RASSF3: variants seen among roughly 807,000 people sequenced by gnomAD.
RASSF3 encodes the protein Ras association domain family member 3, also known as ras association domain-containing protein 3.
In RASSF3, 19 loss-of-function variants were observed where a neutral mutation model predicts 19.9. That is an observed-to-expected ratio of 0.96 (90% CI 0.67 to 1.40). RASSF3 has a LOEUF of 1.40. RASSF3 is among the 40% of genes most tolerant of loss of function. The pLI, the probability that RASSF3 is intolerant of heterozygous loss-of-function variation, is 0.00. For missense variants in RASSF3, 306 were observed against 289.8 expected (o/e 1.06, Z -0.41); for synonymous variants, 110 against 104.2 (o/e 1.06, Z -0.34).
chr12:64,681,305 A>G (rs1873117802), intron 1 of RASSF3, among the ~76,000 whole-genome samples: 1 of 152,156 alleles, frequency 6.6e-6, no homozygotes, highest in Non-Finnish European at 1.5e-5. Context: ...CCTTGGTCAC[A>G]CTTGTGAAAG....
intron 1 of RASSF3, among the ~76,000 whole-genome samples, chr12:64,642,268 G>T (rs1443107590): frequency 2.6e-5 from 4 of 151,724 alleles, no homozygotes; most frequent in South Asian, 2.1e-4. Context: ...TTATGAGAAG[G>T]TTCATCAAGG....
In RASSF3 at chr12:64,696,620, G is replaced by T. The variant is rs1868373899; in HGVS notation, c.*1708G>T. 3 of 151,838 alleles carry T rather than the reference G, an allele frequency of 2.0e-5. No homozygotes were observed. The highest frequency in any genetic ancestry group is 1.9e-4 in the East Asian group (1 of 5,188). The allele number at this position is 151,838 out of a possible 1,614,324, so 9.4% of individuals were successfully genotyped here. ...GAACTGTGCCTTTTATTGCATTTCT[G>T]TTCGTCTCTTGGTGGCTCTTCTGAC... On this transcript the variant is annotated 3_prime_UTR_variant, in exon 5 of 5. Transcript: ENST00000542104.
intron 1 of RASSF3, among the ~76,000 whole-genome samples, chr12:64,654,480 T>C (rs1592447586): frequency 1.3e-5 from 2 of 151,898 alleles, no homozygotes; most frequent in African/African-American, 4.8e-5. Flanking sequence ...ATCTGCCAAA[T>C]TTTAGTTAAA....
At chr12:64,559,235 CTTCTTTTT>C (rs920988495) in intron 2 of RASSF3, among the ~76,000 whole-genome samples, 6 of 146,914 alleles carry the variant, frequency 4.1e-5, no homozygotes, top group African/African-American at 7.4e-5. Flanking sequence ...ATTTTCTTTT[CTTCTTTTT>C]TTCTTTTTTT....
At chr12:64,520,311 T>G (rs1031510683) in intron 1 of RASSF3, among the ~76,000 whole-genome samples, 4 of 151,686 alleles carry the variant, frequency 2.6e-5, no homozygotes, top group Non-Finnish European at 5.9e-5. Context: ...TACAGGCACA[T>G]GCCGCCATGC....
intron 1 of RASSF3, among the ~76,000 whole-genome samples, chr12:64,524,086 C>G (rs1169363106): frequency 7.4e-6 from 1 of 134,648 alleles, no homozygotes; most frequent in South Asian, 2.4e-4. Context: ...GAGTCTTGCT[C>G]TGTTGCCCAG....
At chr12:64,581,188 G>A (rs1054455276) in intron 2 of RASSF3, among the ~76,000 whole-genome samples, 1 of 151,922 alleles carries the variant, frequency 6.6e-6, no homozygotes, top group South Asian at 2.1e-4. Flanking sequence ...ATTTCTTTTG[G>A]TAATAACTTG....
At chr12:64,672,676 A>G (rs2136208192) in intron 1 of RASSF3, among the ~76,000 whole-genome samples, 1 of 152,200 alleles carries the variant, frequency 6.6e-6, no homozygotes, top group Non-Finnish European at 1.5e-5. Flanking sequence ...CTCCTGGCTA[A>G]TATTTTTATT....
intron 2 of RASSF3, among the ~76,000 whole-genome samples, chr12:64,592,243 A>G (rs970067762): frequency 1.3e-5 from 2 of 152,196 alleles, no homozygotes; most frequent in Admixed American, 1.3e-4. Flanking sequence ...AATAGCCAGC[A>G]TACTATGAAC....
At chr12:64,553,904 G>A (rs1268470615) in intron 2 of RASSF3, among the ~76,000 whole-genome samples, 2 of 150,986 alleles carry the variant, frequency 1.3e-5, no homozygotes, top group African/African-American at 2.4e-5. Flanking sequence ...CTGAGCCTGG[G>A]AGGCCAAGGC....
At chr12:64,508,527 A>C (rs972711589) in intron 1 of RASSF3, among the ~76,000 whole-genome samples, 9 of 151,762 alleles carry the variant, frequency 5.9e-5, no homozygotes, top group Non-Finnish European at 1.3e-4. Context: ...CAAAAAAAAA[A>C]CAAAAAACAG....
At chr12:64,665,895 A>G (rs2136202168) in intron 1 of RASSF3, among the ~76,000 whole-genome samples, 1 of 152,298 alleles carries the variant, frequency 6.6e-6, no homozygotes, top group East Asian at 1.9e-4. Context: ...CCCTTCATCA[A>G]TAGCAGTAGT....
chr12:64,578,477 G>A (rs1565842321), intron 2 of RASSF3, among the ~76,000 whole-genome samples: 1 of 152,042 alleles, frequency 6.6e-6, no homozygotes, highest in African/African-American at 2.4e-5. Flanking sequence ...AATATAGCAA[G>A]ACCCTGTCTC....
At chr12:64,687,717 C>T (rs531354365) in intron 2 of RASSF3, among the ~76,000 whole-genome samples, 48 of 152,214 alleles carry the variant, frequency 3.2e-4, no homozygotes, top group Middle Eastern at 3.4e-3. Context: ...TGAAAATAGC[C>T]TGTTTTCTTA....
intron 1 of RASSF3, among the ~76,000 whole-genome samples, chr12:64,516,581 T>A (rs1868370333): frequency 7.0e-6 from 1 of 143,026 alleles, no homozygotes; most frequent in Non-Finnish European, 1.5e-5. Flanking sequence ...ATCCCGCCAC[T>A]GCACTCCAGC....
chr12:64,652,387 C>T (rs1427643631), intron 1 of RASSF3, among the ~76,000 whole-genome samples: 1 of 151,776 alleles, frequency 6.6e-6, no homozygotes, highest in African/African-American at 2.4e-5. Flanking sequence ...CTGAGGACTG[C>T]AAAGGTGTTT....
intron 4 of RASSF3, among the ~76,000 whole-genome samples, chr12:64,692,026 C>T (rs1256887541): frequency 2.0e-5 from 3 of 152,148 alleles, no homozygotes; most frequent in African/African-American, 7.2e-5. Context: ...CCATGGAAGG[C>T]ATTTAGCTTT....
At chr12:64,546,264 T>TTTTA (rs549758168), downstream of RASSF3, among the ~76,000 whole-genome samples, 507 of 152,014 alleles carry the variant, frequency 3.3e-3, 6 homozygotes, top group South Asian at 0.013. Context: ...TAATACATTG[T>TTTTA]TTTATTTATT....
At chr12:64,524,721 T>C (rs1443506728) in intron 1 of RASSF3, among the ~76,000 whole-genome samples, 1 of 152,232 alleles carries the variant, frequency 6.6e-6, no homozygotes, top group Non-Finnish European at 1.5e-5. Flanking sequence ...ACATGGCCAG[T>C]CTCATCACAT....
Sources: gnomAD v4.1 joint callset for allele counts (sites outside exome capture counted in the v4.1 genomes callset) on GRCh38, gnomAD v4.1.1 for gene constraint, MANE v1.5 for transcripts, NCBI Gene and HGNC (gene_info 2026-07-23, HGNC 2026-07-21) for gene names.